ECHDC2: variants seen among roughly 807,000 people sequenced by gnomAD.
ECHDC2 encodes the protein enoyl-CoA hydratase domain containing 2, also known as enoyl-CoA hydratase domain-containing protein 2, mitochondrial.
Under a neutral mutation model 40.6 loss-of-function variants are expected in ECHDC2, and 34 were observed. The ratio of observed to expected loss-of-function variants is 0.84; its 90% CI spans 0.64 to 1.11. ECHDC2 has a LOEUF of 1.11. Ranked by LOEUF, ECHDC2 falls within the 50% of genes most tolerant of loss-of-function variation. ECHDC2 has a pLI of 0.00. For missense variants in ECHDC2, 392 were observed against 400.7 expected (o/e 0.98, Z 0.19); for synonymous variants, 162 against 166.6 (o/e 0.97, Z 0.21).
intron 8 of ECHDC2, chr1:52,898,496 G>C (rs1184323580): frequency 6.5e-6 from 1 of 153,816 alleles, no homozygotes; most frequent in East Asian, 1.9e-4. Context: ...TGGGACTACA[G>C]GCATGAGCCA....
chr1:52,903,562 C>A (rs1008701429), intron 7 of ECHDC2, among the ~76,000 whole-genome samples: 3 of 151,778 alleles, frequency 2.0e-5, no homozygotes, highest in African/African-American at 7.3e-5. Context: ...AATGCTTTTT[C>A]CCAAATAACT....
chr1:52,912,064 G>A (rs1649648359), intron 1 of ECHDC2: 1 of 1,376,304 alleles, frequency 7.3e-7, no homozygotes, highest in Non-Finnish European at 9.4e-7. Flanking sequence ...GACTACCACA[G>A]TAGCCCTTGC....
At chr1:52,917,436 G>A in intron 1 of ECHDC2, 1 of 400,146 alleles carries the variant, frequency 2.5e-6, no homozygotes. Flanking sequence ...ACAGTGTGGG[G>A]GACGGAGCAG....
At chr1:52,908,966 T>C (rs1297617595) in intron 3 of ECHDC2, among the ~76,000 whole-genome samples, 1 of 147,800 alleles carries the variant, frequency 6.8e-6, no homozygotes, top group Non-Finnish European at 1.5e-5. Flanking sequence ...GAAAAAGGAC[T>C]TGAATAGACA....
chr1:52,920,522 C>A (rs2150076977), intron 1 of ECHDC2: 1 of 1,531,286 alleles, frequency 6.5e-7, no homozygotes, highest in Non-Finnish European at 8.9e-7. Flanking sequence ...AGAAGAAACT[C>A]GAGGAGCTAA....
chr1:52,910,150 G>A (rs1649026616), intron 3 of ECHDC2, among the ~76,000 whole-genome samples: 2 of 152,020 alleles, frequency 1.3e-5, no homozygotes, highest in Admixed American at 6.6e-5. Flanking sequence ...GTACCATAGA[G>A]GTTACCCAGG....
At chr1:52,903,607 A>AACATGAG (rs1190865358) in intron 7 of ECHDC2, among the ~76,000 whole-genome samples, 30 of 151,220 alleles carry the variant, frequency 2.0e-4, no homozygotes, top group African/African-American at 7.0e-4. Context: ...ATCTGGCTAA[A>AACATGAG]ACATGAGCCT....
At chr1:52,897,549 A>C in intron 8 of ECHDC2, 65 bp from the exon 9 acceptor site, 2 of 1,517,330 alleles carry the variant, frequency 1.3e-6, no homozygotes, top group Non-Finnish European at 1.8e-6. Flanking sequence ...ACTGGAAGCC[A>C]GCCCACCCTA....
intron 1 of ECHDC2, chr1:52,913,975 T>C (rs1650128728): frequency 8.4e-7 from 1 of 1,196,688 alleles, no homozygotes. Flanking sequence ...TTAAGGCCAA[T>C]CAGATTCTCT....
rs1651955296 is a variant in ECHDC2, at chr1:52,921,740, C to T, written c.-67G>A. On this transcript the variant is annotated 5_prime_UTR_variant, in exon 1 of 10. Coordinates refer to ENST00000371522, the MANE Select transcript of ECHDC2 (RefSeq NM_001198961.2). The stretch of plus-strand genomic sequence containing the variant: ...ACCGTCTCGGCTCCCGCTGAGAGCT[C>T]GCAGTTCCGGCGTCGGGCGAAGCCT... 1 of 1,425,076 alleles carries T rather than the reference C, an allele frequency of 7.0e-7. No homozygotes were observed. The highest frequency in any genetic ancestry group is 9.1e-7 in the Non-Finnish European group (1 of 1,092,920). 88.3% of individuals were successfully genotyped at this position (1,425,076 alleles called of 1,614,324 possible). A position where few individuals can be genotyped will look rare whatever the true frequency, so the allele number is the denominator to read the frequency against.
In ECHDC2 at chr1:52,914,043, G is replaced by T; in HGVS notation, c.122-2253C>A. The T allele has an allele frequency of 8.9e-7, 1 of 1,121,706 alleles. No homozygotes were observed. The highest frequency in any genetic ancestry group is 1.2e-6 in the Non-Finnish European group (1 of 838,280). 69.5% of individuals were successfully genotyped at this position (1,121,706 alleles called of 1,614,324 possible). On this transcript the variant is annotated intron_variant, in intron 1 of 9. Transcript: ENST00000371522. This position sits in a 1 kb window ranked among gnomAD's most constrained non-coding sequence, Gnocchi z 4.0. ...TGTGTGCTGGCCTCTACTAGACACC[G>T]TGATTCCAGAGACCAGGACAGACTC...
chr1:52,912,498 G>A (rs192867599), intron 1 of ECHDC2, among the ~76,000 whole-genome samples: 1 of 150,734 alleles, frequency 6.6e-6, no homozygotes, highest in African/African-American at 2.4e-5. Context: ...TTGAGCCACC[G>A]CGGCCTTAAT....
chr1:52,920,591 A>C lies in ECHDC2; in HGVS notation c.121+962T>G, dbSNP rs1482851691. On this transcript the variant is annotated intron_variant, in intron 1 of 9. Coordinates refer to ENST00000371522, the MANE Select transcript of ECHDC2 (RefSeq NM_001198961.2). Reference sequence around the variant, plus strand: ...CAAGTGGAATTAAGAAATCTGGCAAAAAGTAAGCTGTTCCCTGTGCCTAAG... The same window carrying C: ...CAAGTGGAATTAAGAAATCTGGCAACAAGTAAGCTGTTCCCTGTGCCTAAG... The C allele has an allele frequency of 3.4e-6, 4 of 1,178,846 alleles. No homozygotes were observed. The African/African-American group carries it at 6.0e-5, about 18-fold the overall frequency. The allele number at this position is 1,178,846 out of a possible 1,614,324, so 73.0% of individuals were successfully genotyped here. A position where few individuals can be genotyped will look rare whatever the true frequency, so the allele number is the denominator to read the frequency against.
rs1356306729 is a variant in ECHDC2 at position 52,921,710 on chromosome 1, C to T, written c.-37G>A. ...CTGGGAGTGAAGGTGCTTCTCCGGC[C>T]CTGCACCGTCTCGGCTCCCGCTGAG... On this transcript the variant is annotated 5_prime_UTR_variant, in exon 1 of 10. Coordinates refer to ENST00000371522, the MANE Select transcript of ECHDC2 (RefSeq NM_001198961.2). 1 of 1,453,202 alleles carries T rather than the reference C, an allele frequency of 6.9e-7. No individual in the cohort carries two copies. The highest frequency in any genetic ancestry group is 1.5e-5 in the African/African-American group (1 of 68,244). The allele number at this position is 1,453,202 out of a possible 1,614,324, so 90.0% of individuals were successfully genotyped here. A position where few individuals can be genotyped will look rare whatever the true frequency, so the allele number is the denominator to read the frequency against.
chr1:52,902,076 C>A (rs1268816098), intron 7 of ECHDC2: 3 of 151,622 alleles, frequency 2.0e-5, no homozygotes, highest in African/African-American at 7.3e-5. Flanking sequence ...CCCTCACCTC[C>A]AAATTAAAGA....
At chr1:52,915,124 C>T (rs1476469303) in intron 1 of ECHDC2, 1 of 433,264 alleles carries the variant, frequency 2.3e-6, no homozygotes, top group African/African-American at 2.0e-5. Context: ...TGGGAAGGAG[C>T]TCACACCCTT....
Position 52,914,147 on chromosome 1 carries a change from A to G in ECHDC2, c.122-2357T>C. ...ATTACTATTTGTGAGGAGAACTTGG[A>G]GAAAAAGGACAAACAAGTAAGGGGC... On this transcript the variant is annotated intron_variant, in intron 1 of 9. Coordinates refer to ENST00000371522, the MANE Select transcript of ECHDC2 (RefSeq NM_001198961.2). This position sits in a 1 kb window ranked among gnomAD's most constrained non-coding sequence, Gnocchi z 4.0. 3 of 477,512 alleles carry G rather than the reference A, an allele frequency of 6.3e-6. No homozygotes were observed. Among genetic ancestry groups the G allele is most frequent in the South Asian group, 4.7e-5 (3 of 64,468 alleles). 29.6% of individuals were successfully genotyped at this position (477,512 alleles called of 1,614,324 possible).
chr1:52,913,924 C>A, intron 1 of ECHDC2: 1 of 1,162,334 alleles, frequency 8.6e-7, no homozygotes, highest in East Asian at 6.3e-5. Context: ...CACTCCTTCA[C>A]TGCTTCTCTT....
chr1:52,918,333 C>G (rs542972792), intron 1 of ECHDC2, among the ~76,000 whole-genome samples: 1 of 150,152 alleles, frequency 6.7e-6, no homozygotes, highest in East Asian at 1.9e-4. Flanking sequence ...TGTACCTGGC[C>G]TGGGCCGTGT....
Sources: allele counts gnomAD v4.1 joint callset (sites outside exome capture counted in the v4.1 genomes callset), GRCh38; gene constraint gnomAD v4.1.1; non-coding constraint Gnocchi (gnomAD v3.1); transcripts MANE v1.5; gene names NCBI Gene and HGNC (gene_info 2026-07-23, HGNC 2026-07-21).